Variants in EFTUD2 observed in about 807,000 individuals in gnomAD.
The protein encoded by EFTUD2 is 116 kDa U5 small nuclear ribonucleoprotein component.
A neutral mutation model predicts 114.3 loss-of-function variants in EFTUD2; 9 were observed. The observed-to-expected ratio is 0.08, with a 90% CI of 0.05 to 0.14. The LOEUF is 0.14. Ranked by LOEUF, EFTUD2 falls within the 10% of genes least tolerant of loss-of-function variation. The probability of loss-of-function intolerance (pLI) is 1.00; values close to 1 mark genes in which losing one functional copy is unlikely to be tolerated. For missense variants in EFTUD2, 765 were observed against 1,241.2 expected (o/e 0.62, Z 5.76); for synonymous variants, 449 against 462.3 (o/e 0.97, Z 0.37).
intron 1 of EFTUD2, among the ~76,000 whole-genome samples, chr17:44,895,495 CAAAAAAAAAA>C (rs34990843): frequency 1.1e-5 from 1 of 88,122 alleles, no homozygotes; most frequent in African/African-American, 4.6e-5. Context: ...GACTCCATCT[CAAAAAAAAAA>C]AAAAAAAAAA....
At chr17:44,883,210 G>A (rs1346872307) in intron 5 of EFTUD2, 52 bp from the exon 6 acceptor site, 4 of 1,568,326 alleles carry the variant, frequency 2.6e-6, no homozygotes, top group East Asian at 4.5e-5. Flanking sequence ...AAAATTTACT[G>A]TGCCCTTCCC....
chr17:44,896,431 A>G (rs1416040305), intron 1 of EFTUD2, among the ~76,000 whole-genome samples: 3 of 152,162 alleles, frequency 2.0e-5, no homozygotes, highest in Admixed American at 6.5e-5. Flanking sequence ...GCGGATCATG[A>G]GGTCAGGAGA....
In EFTUD2 at chr17:44,850,821, C is replaced by T. The variant is rs1201743001; in HGVS notation, c.*453G>A. ...AGGAGGCTGCAGCTGGAAGCAGAGG[C>T]AGTGAAGCCTCTTGGGAGATGACAT... On this transcript the variant is annotated 3_prime_UTR_variant, in exon 28 of 28. Coordinates refer to ENST00000426333, the MANE Select transcript of EFTUD2 (RefSeq NM_004247.4). 1 of 232,310 alleles carries T rather than the reference C, an allele frequency of 4.3e-6. No individual in the cohort carries two copies. Among genetic ancestry groups the T allele is most frequent in the Admixed American group, 5.0e-5 (1 of 19,946 alleles). 14.4% of individuals were successfully genotyped at this position (232,310 alleles called of 1,614,324 possible).
chr17:44,884,350 C>A (rs1260281028), intron 4 of EFTUD2: 2 of 152,062 alleles, frequency 1.3e-5, no homozygotes, highest in Non-Finnish European at 2.9e-5. Flanking sequence ...GAAACCCCAT[C>A]TCTACTAACA....
chr17:44,889,474 G>A (rs1263591433), intron 2 of EFTUD2, among the ~76,000 whole-genome samples: 1 of 152,210 alleles, frequency 6.6e-6, no homozygotes. Flanking sequence ...TGTAGACAGG[G>A]AAAACTGATG....
rs141557942 is a variant in EFTUD2, at chr17:44,854,068, A to C, written c.2347+201T>G. ...AATGAGGAGCAAATGACAGTTTAGA[A>C]ATGACTTAAATTTCCATTTCCAGGC... On this transcript the variant is annotated intron_variant, in intron 23 of 27. Coordinates refer to ENST00000426333, the MANE Select transcript of EFTUD2 (RefSeq NM_004247.4). The surrounding 1 kb of genome is among the most constrained non-coding windows in gnomAD (Gnocchi z 4.3). 3.0e-4 allele frequency: 428 copies of C among 1,405,752 alleles called. No homozygotes were observed. In the African/African-American group the frequency reaches 5.8e-3, roughly 19 times the overall value. 87.1% of individuals were successfully genotyped at this position (1,405,752 alleles called of 1,614,324 possible).
chr17:44,893,628 G>A (rs989411304), intron 2 of EFTUD2, among the ~76,000 whole-genome samples: 2 of 152,050 alleles, frequency 1.3e-5, no homozygotes, highest in African/African-American at 2.4e-5. Context: ...TTCCCTTTTG[G>A]AACCTTAGTA....
intron 13 of EFTUD2, among the ~76,000 whole-genome samples, chr17:44,866,704 G>T (rs1450095424): frequency 6.6e-6 from 1 of 152,158 alleles, no homozygotes; most frequent in Admixed American, 6.5e-5. Flanking sequence ...TGGTTGCAAA[G>T]CGGTTCATTT....
At position 44,854,589 on chromosome 17, in the gene EFTUD2, G is replaced by A; in HGVS notation, c.2226C>T (p.Pro742=). Residue 742 remains proline, a synonymous_variant, in exon 22 of 28, where the codon CCC becomes CCT. Transcript: ENST00000426333. This position sits in a 1 kb window ranked among gnomAD's most constrained non-coding sequence, Gnocchi z 4.3. ...GCAGAGTATCATCCACCAGAATGTT[G>A]GGGCCAGTCGCATCAGGGCCAAAAG... ...IWAFGPDATG[P]NILVDDTLPS... is the part of the protein sequence containing the mutation. The A allele has an allele frequency of 6.2e-7, 1 of 1,614,146 alleles. No homozygotes were observed. The highest frequency in any genetic ancestry group is 8.5e-7 in the Non-Finnish European group (1 of 1,179,992).
chr17:44,879,665 T>C (rs1327166209), intron 8 of EFTUD2, 27 bp from the exon 9 acceptor site: 1 of 1,610,432 alleles, frequency 6.2e-7, no homozygotes, highest in Admixed American at 1.7e-5. Flanking sequence ...AAGTAAGTCA[T>C]CACTTGGTGC....
In EFTUD2 at chr17:44,854,333, T is replaced by C; in HGVS notation, c.2283A>G (p.Ser761=). ...PSEVDKALLG[S]VKDSIVQGFQ... is the part of the protein sequence containing the mutation. The stretch of plus-strand genomic sequence containing the variant: ...AACCTTGAACGATGCTGTCCTTCAC[T>C]GAACCAAGAAGAGCCTTGTCCACCT... The change falls in exon 23 of 28, where the codon TCA becomes TCG. Residue 761 remains serine (S), a synonymous_variant. Transcript: ENST00000426333. This position sits in a 1 kb window ranked among gnomAD's most constrained non-coding sequence, Gnocchi z 4.3. The C allele has an allele frequency of 6.2e-7, 1 of 1,613,978 alleles. No individual in the cohort carries two copies. Among genetic ancestry groups the C allele is most frequent in the East Asian group, 2.2e-5 (1 of 44,886 alleles).
Position 44,854,014 on chromosome 17 carries a change from A to T in EFTUD2, c.2347+255T>A, listed in dbSNP as rs2050502453. 7.3e-7 allele frequency: 1 copy of T among 1,363,556 alleles called. No homozygotes were observed. The highest frequency in any genetic ancestry group is 2.7e-5 in the East Asian group (1 of 36,402). 84.5% of individuals were successfully genotyped at this position (1,363,556 alleles called of 1,614,324 possible). A position where few individuals can be genotyped will look rare whatever the true frequency, so the allele number is the denominator to read the frequency against. ...ATCATCCTCTTGATATCTCTTCTCA[A>T]ATACGTCCAACGCCAAACCCTTCTC... On this transcript the variant is annotated intron_variant, in intron 23 of 27. Coordinates refer to ENST00000426333, the MANE Select transcript of EFTUD2 (RefSeq NM_004247.4). This position sits in a 1 kb window ranked among gnomAD's most constrained non-coding sequence, Gnocchi z 4.3.
chr17:44,856,519 G>C lies in EFTUD2; in HGVS notation c.2045+556C>G, dbSNP rs150734940. 2.5e-3 allele frequency among the ~76,000 whole-genome samples: 362 copies of C among 146,324 alleles called. 1 individual carries two copies. The highest frequency in any genetic ancestry group is 8.4e-3 in the African/African-American group (334 of 39,550). On this transcript the variant is annotated intron_variant, in intron 20 of 27. Transcript: ENST00000426333. ...TACTCCAGCCTGGGCGACAGAGCGA[G>C]ACTGTCTTAAAAAAAAGAAAAAAAA...
chr17:44,889,832 A>C (rs1295292051), intron 2 of EFTUD2, among the ~76,000 whole-genome samples: 1 of 152,186 alleles, frequency 6.6e-6, no homozygotes, highest in Non-Finnish European at 1.5e-5. Context: ...AATAGCTATC[A>C]AGCCAGTTTT....
chr17:44,859,544 C>T (rs907843007), intron 18 of EFTUD2: 6 of 496,502 alleles, frequency 1.2e-5, no homozygotes, highest in South Asian at 9.8e-5. Context: ...AGAGTAACAA[C>T]TCACTTTTCC....
In EFTUD2 at chr17:44,852,440, G is replaced by A; in HGVS notation, c.2684C>T (p.Ala895Val). The A allele has an allele frequency of 6.2e-7, 1 of 1,614,040 alleles. No individual in the cohort carries two copies. Among genetic ancestry groups the A allele is most frequent in the Non-Finnish European group, 8.5e-7 (1 of 1,180,018 alleles). The part of the protein sequence containing the change: ...TDLRTHTQGQ[A>V]FSLSVFHHWQ... Reference sequence around the variant, plus strand: ...GTGGTGGAAGACAGACAGAGAAAAGGCTTGTCCCTGGGTGTGAGTCCGGAG... The same window carrying A: ...GTGGTGGAAGACAGACAGAGAAAAGACTTGTCCCTGGGTGTGAGTCCGGAG... Residue 895 changes from alanine to valine, a missense_variant, in exon 26 of 28, where the codon GCC becomes GTC. Physicochemically the swap from Ala to Val is moderately conservative, Grantham distance 64. Coordinates refer to ENST00000426333, the MANE Select transcript of EFTUD2 (RefSeq NM_004247.4).
chr17:44,860,476 T>C lies in EFTUD2; in HGVS notation c.1675A>G (p.Ile559Val), dbSNP rs567375948. The change falls in exon 17 of 28, where the codon ATT (isoleucine) becomes GTT (valine). Residue 559 changes from isoleucine to valine, a missense_variant. Around this residue, in one of 6 missense-constraint regions of EFTUD2, gnomAD observed 149 missense variants for 245.1 expected, o/e 0.61. Coordinates refer to ENST00000426333, the MANE Select transcript of EFTUD2 (RefSeq NM_004247.4). The part of the protein sequence containing the change: ...WVLIEGVDQP[I>V]VKTATITEPR... ...TCGGTTATGGTTGCTGTCTTCACAA[T>C]TGGTTGATCAACACCTTCAATCAGA... 5.6e-6 allele frequency: 9 copies of C among 1,614,096 alleles called. No homozygotes were observed. The East Asian group carries it at 1.8e-4, about 32-fold the overall frequency.
chr17:44,859,914 G>A lies in EFTUD2; in HGVS notation c.1851C>T (p.Leu617=), dbSNP rs1184276659. 2.5e-6 allele frequency: 4 copies of A among 1,614,054 alleles called. No homozygotes were observed. The highest frequency in any genetic ancestry group is 3.4e-6 in the Non-Finnish European group (4 of 1,180,052). Residue 617 remains leucine (L), a synonymous_variant, in exon 18 of 28, where the codon CTC becomes CTT. Coordinates refer to ENST00000426333, the MANE Select transcript of EFTUD2 (RefSeq NM_004247.4). ...CAGGCCATGGGCATACCTTGGTGGT[G>A]AGGGATGGATAGCTCTTGTTGACCT... The part of the protein sequence containing the change: ...LRKVNKSYPS[L]TTKVEESGEH...
intron 16 of EFTUD2, among the ~76,000 whole-genome samples, chr17:44,862,264 G>A (rs761089201): frequency 1.3e-5 from 2 of 152,040 alleles, no homozygotes; most frequent in East Asian, 1.9e-4. Flanking sequence ...GTGAGACATT[G>A]TCTCTACAAA....
Sources: allele counts gnomAD v4.1 joint callset (sites outside exome capture counted in the v4.1 genomes callset), GRCh38; gene constraint gnomAD v4.1.1; regional missense constraint gnomAD v4.1.1; non-coding constraint Gnocchi (gnomAD v3.1); transcripts MANE v1.5; gene names NCBI Gene and HGNC (gene_info 2026-07-23, HGNC 2026-07-21).